Variants in ACACA observed in about 807,000 individuals in gnomAD.
ACACA encodes the protein acetyl-CoA carboxylase alpha.
In ACACA, 103 loss-of-function variants were observed where a neutral mutation model predicts 296.1. That is an observed-to-expected ratio of 0.35 (90% CI 0.30 to 0.41). ACACA has a LOEUF of 0.41. ACACA is among the 10% of genes least tolerant of loss of function. The pLI, the probability that ACACA is intolerant of heterozygous loss-of-function variation, is 1.00. For missense variants in ACACA, 1,554 were observed against 2,989.7 expected (o/e 0.52, Z 11.20); for synonymous variants, 953 against 1,038.6 (o/e 0.92, Z 1.58).
chr17:37,120,373 C>T (rs1442252357), intron 50 of ACACA, among the ~76,000 whole-genome samples: 2 of 152,136 alleles, frequency 1.3e-5, no homozygotes, highest in Non-Finnish European at 2.9e-5. Flanking sequence ...TCAAGTGATT[C>T]TCCTGCCTCA....
intron 39 of ACACA, among the ~76,000 whole-genome samples, chr17:37,185,137 T>C (rs1348368068): frequency 6.6e-6 from 1 of 152,198 alleles, no homozygotes; most frequent in African/African-American, 2.4e-5. Flanking sequence ...ACAACTGTGA[T>C]AGTACTTACA....
At chr17:37,181,172 A>C (rs1367269869) in intron 40 of ACACA, 29 bp downstream of exon 40, 1 of 1,613,414 alleles carries the variant, frequency 6.2e-7, no homozygotes, top group Non-Finnish European at 8.5e-7. Context: ...TCCTTAGAAC[A>C]TGTCAGACCC....
intron 33 of ACACA, among the ~76,000 whole-genome samples, chr17:37,202,528 C>T (rs1413987684): frequency 6.6e-6 from 1 of 151,388 alleles, no homozygotes; most frequent in Admixed American, 6.6e-5. Context: ...TTGGATCAAC[C>T]TATTTGATAG....
intron 12 of ACACA, among the ~76,000 whole-genome samples, 165 bp from the exon 13 acceptor site, chr17:37,258,538 C>T (rs539730073): frequency 6.6e-6 from 1 of 152,290 alleles, no homozygotes; most frequent in Admixed American, 6.5e-5. Flanking sequence ...GCTTGAAATA[C>T]AATATATCAC....
At chr17:37,191,983 T>G in intron 37 of ACACA, 107 bp downstream of exon 37, 1 of 1,170,874 alleles carries the variant, frequency 8.5e-7, no homozygotes, top group East Asian at 2.5e-5. Flanking sequence ...AACCTGATCT[T>G]TTTTTTATGT....
chr17:37,349,684 G>A (rs2048806277), intron 1 of ACACA, among the ~76,000 whole-genome samples: 3 of 150,904 alleles, frequency 2.0e-5, no homozygotes, highest in Non-Finnish European at 4.4e-5. Context: ...AGCATCCCAA[G>A]TAGCTGGGAT....
intron 1 of ACACA, chr17:37,392,252 C>G (rs1201744171): frequency 6.5e-6 from 1 of 153,540 alleles, no homozygotes; most frequent in East Asian, 1.9e-4. Flanking sequence ...CCTACGCATT[C>G]CAAAAGCCTT....
intron 3 of ACACA, among the ~76,000 whole-genome samples, chr17:37,327,152 A>C (rs1476143158): frequency 6.6e-6 from 1 of 152,336 alleles, no homozygotes; most frequent in African/African-American, 2.4e-5. Context: ...CTTAGTCTCT[A>C]TTTAACTTTG....
chr17:37,392,462 A>G (rs938762480), intron 1 of ACACA: 3 of 152,198 alleles, frequency 2.0e-5, no homozygotes, highest in Non-Finnish European at 4.4e-5. Flanking sequence ...CTATGAGTCA[A>G]ATCTAACCTG....
chr17:37,343,040 C>T (rs1470988115), intron 1 of ACACA, among the ~76,000 whole-genome samples: 4 of 152,072 alleles, frequency 2.6e-5, no homozygotes, highest in African/African-American at 4.8e-5. Flanking sequence ...TGCAGTGGCA[C>T]GATCTCAGCT....
chr17:37,173,982 TTATATATATATATA>T (rs1173883631), intron 41 of ACACA, among the ~76,000 whole-genome samples: 771 of 19,424 alleles, frequency 0.04, 69 homozygotes, highest in Middle Eastern at 0.15. Flanking sequence ...CCTGGCTAAT[TTATATATATATATA>T]TATATATATA....
rs577288694 is a variant in ACACA at position 37,381,778 on chromosome 17, C to T, written c.38+24484G>A. 1.3e-4 allele frequency among the ~76,000 whole-genome samples: 19 copies of T among 151,848 alleles called. No homozygotes were observed. The South Asian group carries it at 3.7e-3, about 30-fold the overall frequency. On this transcript the variant is annotated intron_variant, in intron 1 of 55. Coordinates refer to ENST00000616317, the MANE Select transcript of ACACA (RefSeq NM_198834.3). ...GAGTAGCTGGGACTACAGGCACTCG[C>T]CACCACACCCAGTTAATTTTTTGTA...
At chr17:37,370,917 G>C (rs910415521) in intron 1 of ACACA, among the ~76,000 whole-genome samples, 21 of 151,210 alleles carry the variant, frequency 1.4e-4, no homozygotes, top group Non-Finnish European at 2.4e-4. Context: ...CTGGGAGGCA[G>C]AGGTTGTAGT....
intron 1 of ACACA, among the ~76,000 whole-genome samples, chr17:37,359,384 C>T (rs1242548352): frequency 6.6e-6 from 1 of 151,918 alleles, no homozygotes; most frequent in African/African-American, 2.4e-5. Flanking sequence ...GCGGATCTGC[C>T]ATTCGGGGCC....
chr17:37,263,965 A>AG, intron 10 of ACACA, 71 bp from the exon 11 acceptor site: 1 of 1,288,080 alleles, frequency 7.8e-7, no homozygotes, highest in Middle Eastern at 1.9e-4. Flanking sequence ...TTGATAAGCT[A>AG]CTTTGATTTC....
chr17:37,097,695 T>C lies in ACACA; in HGVS notation c.6720+135A>G, dbSNP rs563272193. 5.0e-5 allele frequency: 53 copies of C among 1,053,980 alleles called. No individual in the cohort carries two copies. The highest frequency in any genetic ancestry group is 5.4e-4 in the Middle Eastern group (2 of 3,738). The allele number at this position is 1,053,980 out of a possible 1,614,324, so 65.3% of individuals were successfully genotyped here. The stretch of plus-strand genomic sequence containing the variant: ...AGAAACAGTGAAAATCTAAAAAATA[T>C]TGAAAATGTTTTGATCTGCAGAAGT... On this transcript the variant is annotated intron_variant, in intron 53 of 55. Coordinates refer to ENST00000616317, the MANE Select transcript of ACACA (RefSeq NM_198834.3). The surrounding 1 kb of genome is among the most constrained non-coding windows in gnomAD (Gnocchi z 4.8).
At chr17:37,116,181 CG>C (rs946672214) in intron 50 of ACACA, among the ~76,000 whole-genome samples, 1 of 152,044 alleles carries the variant, frequency 6.6e-6, no homozygotes, top group Non-Finnish European at 1.5e-5. Context: ...TTTGTAGAGA[CG>C]GGGTTTCACC....
chr17:37,340,241 G>A (rs1038782684), intron 1 of ACACA, among the ~76,000 whole-genome samples: 5 of 152,156 alleles, frequency 3.3e-5, no homozygotes, highest in African/African-American at 1.2e-4. Context: ...GTTTACAAGC[G>A]GTTACACCTA....
intron 43 of ACACA, among the ~76,000 whole-genome samples, chr17:37,152,346 AT>A (rs1282575468): frequency 1.3e-5 from 2 of 152,238 alleles, no homozygotes; most frequent in Admixed American, 1.3e-4. Flanking sequence ...AAGGCATCAT[AT>A]CAACAATTTT....
Sources: gnomAD v4.1 joint callset for allele counts (sites outside exome capture counted in the v4.1 genomes callset) on GRCh38, gnomAD v4.1.1 for gene constraint, Gnocchi (gnomAD v3.1) non-coding constraint, MANE v1.5 for transcripts, NCBI Gene and HGNC (gene_info 2026-07-23, HGNC 2026-07-21) for gene names.